Variants in PDK4 observed in about 807,000 individuals in gnomAD.
The protein encoded by PDK4 is pyruvate dehydrogenase kinase 4, also known as pyruvate dehydrogenase kinase, isozyme 4.
A neutral mutation model predicts 51.7 loss-of-function variants in PDK4; 43 were observed. That is an observed-to-expected ratio of 0.83 (90% CI 0.65 to 1.07). The LOEUF (loss-of-function observed/expected upper bound fraction) is 1.07. PDK4 is among the 50% of genes least tolerant of loss of function. PDK4 has a pLI of 0.00. For synonymous variants in PDK4, 170 were observed against 176.6 expected, an observed-to-expected ratio of 0.96 and a Z score of 0.30; for missense variants, 498 against 503.5, an observed-to-expected ratio of 0.99 and a Z score of 0.10.
At position 95,587,166 on chromosome 7, in the gene PDK4, C is replaced by A. The variant is rs749525532; in HGVS notation, c.982-43G>T. On this transcript the variant is annotated intron_variant, in intron 9 of 10. Transcript: ENST00000005178. The stretch of plus-strand genomic sequence containing the variant: ...TATCAGGTAAAGAAGTGTATGTGAT[C>A]ACTGAAATACAAACAAGCAGGAAAT... 31 of 1,139,494 alleles carry A rather than the reference C, an allele frequency of 2.7e-5. No homozygotes were observed. The Middle Eastern group carries it at 5.9e-4, about 22-fold the overall frequency. The allele number at this position is 1,139,494 out of a possible 1,614,324, so 70.6% of individuals were successfully genotyped here.
intron 6 of PDK4, among the ~76,000 whole-genome samples, chr7:95,590,374 A>G (rs1226248298): frequency 6.6e-6 from 1 of 152,204 alleles, no homozygotes; most frequent in Non-Finnish European, 1.5e-5. Context: ...AATTTTACCA[A>G]GAGGATAAAG....
chr7:95,596,425 C>G lies in PDK4; in HGVS notation c.-132G>C. 9.9e-7 allele frequency: 1 copy of G among 1,006,642 alleles called. No individual in the cohort carries two copies. The highest frequency in any genetic ancestry group is 1.4e-6 in the Non-Finnish European group (1 of 734,668). The allele number at this position is 1,006,642 out of a possible 1,614,324, so 62.4% of individuals were successfully genotyped here. A position where few individuals can be genotyped will look rare whatever the true frequency, so the allele number is the denominator to read the frequency against. ...GCAGGTGCGCTGGCTGGCTTGTGCG[C>G]CCCGGCCTGGGCTGGGGTTTGAGGG... On this transcript the variant is annotated 5_prime_UTR_variant, in exon 1 of 11. Transcript: ENST00000005178.
rs533951369 is a variant in PDK4, at chr7:95,583,607, A to C, written c.*2034T>G. The C allele has an allele frequency of 2.6e-5, 4 of 152,532 alleles. No individual in the cohort carries two copies. Among genetic ancestry groups the C allele is most frequent in the Non-Finnish European group, 5.9e-5 (4 of 68,042 alleles). 9.4% of individuals were successfully genotyped at this position (152,532 alleles called of 1,614,324 possible). ...ATTAATAATTTAAGTGGGCCTGAGT[A>C]TTCAGTATCCATCTACTAGAATCCT... On this transcript the variant is annotated 3_prime_UTR_variant, in exon 11 of 11. Coordinates refer to ENST00000005178, the MANE Select transcript of PDK4 (RefSeq NM_002612.4).
At chr7:95,591,257 T>C (rs1791548816) in intron 6 of PDK4, among the ~76,000 whole-genome samples, 2 of 152,226 alleles carry the variant, frequency 1.3e-5, no homozygotes, top group Non-Finnish European at 1.5e-5. Context: ...TTTTGAAGTA[T>C]GTTCTGCTTC....
intron 6 of PDK4, among the ~76,000 whole-genome samples, chr7:95,591,510 C>T (rs983430673): frequency 3.3e-5 from 5 of 152,168 alleles, no homozygotes; most frequent in African/African-American, 7.2e-5. Flanking sequence ...CCATTCTACT[C>T]TGCTTCTGTG....
At chr7:95,596,143 G>A (rs778523580) in intron 1 of PDK4, 21 bp downstream of exon 1, 2 of 1,594,244 alleles carry the variant, frequency 1.3e-6, no homozygotes, top group Admixed American at 1.7e-5. Flanking sequence ...GACCCAGCTT[G>A]GGCCCTGTGT....
chr7:95,584,238 T>C lies in PDK4; in HGVS notation c.*1403A>G, dbSNP rs1791449993. 1 of 152,154 alleles carries C rather than the reference T, an allele frequency of 6.6e-6. No individual in the cohort carries two copies. The allele number at this position is 152,154 out of a possible 1,614,324, so 9.4% of individuals were successfully genotyped here. A position where few individuals can be genotyped will look rare whatever the true frequency, so the allele number is the denominator to read the frequency against. Reference sequence around the variant, plus strand: ...AAACACCAGTTCTTCCTCTTGCCAATGACATATCCCAGAAAATACAGATTT... The same window carrying C: ...AAACACCAGTTCTTCCTCTTGCCAACGACATATCCCAGAAAATACAGATTT... On this transcript the variant is annotated 3_prime_UTR_variant, in exon 11 of 11. Transcript: ENST00000005178.
chr7:95,592,408 ACT>A, intron 5 of PDK4, 101 bp downstream of exon 5: 1 of 744,818 alleles, frequency 1.3e-6, no homozygotes, highest in African/African-American at 1.7e-5. Context: ...TAAATGGAAC[ACT>A]CTGTGAATAT....
At chr7:95,593,174 T>C (rs1232031884) in intron 3 of PDK4, among the ~76,000 whole-genome samples, 3 of 152,144 alleles carry the variant, frequency 2.0e-5, no homozygotes, top group African/African-American at 7.2e-5. Flanking sequence ...TGTAAAACTA[T>C]TAGCCTTATA....
At position 95,584,323 on chromosome 7, in the gene PDK4, C is replaced by T. The variant is rs535282730; in HGVS notation, c.*1318G>A. ...GCCTGCCTTCTGCTTCCCTCTCTTCCTATATCCTTTCTTTCCTTCCTGCCT... is the reference window on the plus strand; with the variant it reads ...GCCTGCCTTCTGCTTCCCTCTCTTCTTATATCCTTTCTTTCCTTCCTGCCT... On this transcript the variant is annotated 3_prime_UTR_variant, in exon 11 of 11. Transcript: ENST00000005178. 5.3e-5 allele frequency: 8 copies of T among 152,198 alleles called. No individual in the cohort carries two copies. The South Asian group carries it at 8.3e-4, about 16-fold the overall frequency. The allele number at this position is 152,198 out of a possible 1,614,324, so 9.4% of individuals were successfully genotyped here.
chr7:95,589,769 AACC>A (rs1375911089), intron 6 of PDK4, 53 bp from the exon 7 acceptor site: 7 of 953,654 alleles, frequency 7.3e-6, no homozygotes, highest in Non-Finnish European at 1.2e-5. Flanking sequence ...CACTAAAATA[AACC>A]ACCACATTCA....
In PDK4 at chr7:95,596,280, C is replaced by G. The variant is rs1417462030; in HGVS notation, c.14G>C (p.Arg5Pro). The G allele has an allele frequency of 1.3e-6, 2 of 1,576,122 alleles. No homozygotes were observed. Among genetic ancestry groups the G allele is most frequent in the African/African-American group, 1.4e-5 (1 of 72,598 alleles). Residue 5 changes from arginine to proline, a missense_variant, in exon 1 of 11, where the codon CGC becomes CCC. By Grantham distance (103) the Arg-to-Pro change is moderately radical. Transcript: ENST00000005178. ...CGAGCCAGCGCTGCGCAGCACGAAG[C>G]GGGCCGCCTTCATCTTGACGCCCAC... MKAA[R>P]FVLRSAGSLN...
chr7:95,587,747 T>C lies in PDK4; in HGVS notation c.850A>G (p.Lys284Glu). The part of the protein sequence containing the change: ...TPIEVIVVLG[K>E]EDLTIKISDR... Reference sequence around the variant, plus strand: ...GTTACCTTAATGGTAAGGTCTTCTTTTCCCAAGACAACAATAACCTCTATT... The same window carrying C: ...GTTACCTTAATGGTAAGGTCTTCTTCTCCCAAGACAACAATAACCTCTATT... The change falls in exon 8 of 11, where the codon AAA becomes GAA. Residue 284 changes from lysine (K) to glutamate (E), a missense_variant. Lys to Glu is a moderately conservative substitution (Grantham distance 56). Transcript: ENST00000005178. The C allele has an allele frequency of 3.1e-6, 5 of 1,611,558 alleles. No homozygotes were observed. The highest frequency in any genetic ancestry group is 4.2e-6 in the Non-Finnish European group (5 of 1,177,670).
chr7:95,589,063 T>C (rs1791520789), intron 7 of PDK4, among the ~76,000 whole-genome samples: 1 of 152,236 alleles, frequency 6.6e-6, no homozygotes, highest in East Asian at 1.9e-4. Flanking sequence ...CCCCTTAGCT[T>C]ATTCAAAATT....
intron 7 of PDK4, among the ~76,000 whole-genome samples, chr7:95,589,295 G>T (rs2116713911): frequency 6.6e-6 from 1 of 152,234 alleles, no homozygotes; most frequent in South Asian, 2.1e-4. Flanking sequence ...AGGTAACAAG[G>T]CCTCATTCAC....
chr7:95,586,103 AG>A (rs1205740689), intron 10 of PDK4, among the ~76,000 whole-genome samples: 1 of 152,068 alleles, frequency 6.6e-6, no homozygotes, highest in Non-Finnish European at 1.5e-5. Flanking sequence ...CTATATTTTC[AG>A]TTGAAATAGT....
chr7:95,585,780 G>T lies in PDK4; in HGVS notation c.1097C>A (p.Ala366Asp). Reference sequence around the variant, plus strand: ...TTTTTCTATAGACTCAGAAGACAAAGCCTAAAAGAAAAGGGGGGAAAAACA... The same window carrying T: ...TTTTTCTATAGACTCAGAAGACAAATCCTAAAAGAAAAGGGGGGAAAAACA... ...YGTDAIIYLKALSSESIEKLP... is the reference protein window; with the variant it reads ...YGTDAIIYLKDLSSESIEKLP... Residue 366 changes from alanine to aspartate, a missense_variant and splice_region_variant, in exon 11 of 11, where the codon GCT becomes GAT. By Grantham distance (126) the Ala-to-Asp change is moderately radical. Coordinates refer to ENST00000005178, the MANE Select transcript of PDK4 (RefSeq NM_002612.4). 3 of 1,578,954 alleles carry T rather than the reference G, an allele frequency of 1.9e-6. No individual in the cohort carries two copies. The highest frequency in any genetic ancestry group is 2.6e-6 in the Non-Finnish European group (3 of 1,154,418).
At chr7:95,592,440 C>T (rs1004712829) in intron 5 of PDK4, 71 bp downstream of exon 5, 4 of 874,354 alleles carry the variant, frequency 4.6e-6, no homozygotes, top group East Asian at 4.8e-5. Context: ...CACAGAGTCA[C>T]CTCAATTATA....
intron 3 of PDK4, among the ~76,000 whole-genome samples, chr7:95,593,445 G>T (rs537718330): frequency 6.6e-6 from 1 of 152,206 alleles, no homozygotes; most frequent in East Asian, 1.9e-4. Flanking sequence ...CATTATTGGA[G>T]TAAATTTATA....
Sources: gnomAD v4.1 joint callset for allele counts (sites outside exome capture counted in the v4.1 genomes callset) on GRCh38, gnomAD v4.1.1 for gene constraint, MANE v1.5 for transcripts, NCBI Gene and HGNC (gene_info 2026-07-23, HGNC 2026-07-21) for gene names.